SPATS2: variants seen among roughly 807,000 people sequenced by gnomAD.
SPATS2 encodes the protein spermatogenesis associated serine rich 2, also known as spermatogenesis-associated serine-rich protein 2.
In SPATS2, 38 loss-of-function variants were observed where a neutral mutation model predicts 63.7. The ratio of observed to expected loss-of-function variants is 0.60; its 90% CI spans 0.46 to 0.78. SPATS2 has a LOEUF of 0.78. SPATS2 is among the 30% of genes least tolerant of loss of function. The probability of loss-of-function intolerance (pLI) is 0.00; values close to 1 mark genes in which losing one functional copy is unlikely to be tolerated. For synonymous variants in SPATS2, 207 were observed against 232.9 expected (o/e 0.89, Z 1.01); for missense variants, 588 against 666.2 (o/e 0.88, Z 1.29).
At chr12:49,447,845 A>AAATT (rs2137590248) in intron 2 of SPATS2, among the ~76,000 whole-genome samples, 1 of 152,132 alleles carries the variant, frequency 6.6e-6, no homozygotes, top group Non-Finnish European at 1.5e-5. Context: ...TGATTTTGGT[A>AAATT]AATTGTGTCT....
In SPATS2 at chr12:49,524,769, C is replaced by G. The variant is rs1015411844; in HGVS notation, c.1199C>G (p.Ala400Gly). The G allele has an allele frequency of 1.9e-6, 3 of 1,614,204 alleles. No individual in the cohort carries two copies. The highest frequency in any genetic ancestry group is 2.5e-6 in the Non-Finnish European group (3 of 1,180,034). ...TTGAGTAGCCCAAGTGATGCCTCTG[C>G]TGCTTCCTCTTCCACCTGTGCCTCT... Reference protein sequence around the residue: ...VSLSSPSDASAASSSTCASPP... With the variant: ...VSLSSPSDASGASSSTCASPP... Residue 400 changes from alanine to glycine, a missense_variant, in exon 13 of 14, where the codon GCT becomes GGT. Ala to Gly is a moderately conservative substitution (Grantham distance 60). Coordinates refer to ENST00000552918, the MANE Select transcript of SPATS2 (RefSeq NM_023071.4).
intron 3 of SPATS2, among the ~76,000 whole-genome samples, chr12:49,472,342 A>C (rs2137759473): frequency 6.6e-6 from 1 of 152,140 alleles, no homozygotes; most frequent in East Asian, 1.9e-4. Flanking sequence ...AAAGACTTTA[A>C]AAATAAAACA....
intron 9 of SPATS2, among the ~76,000 whole-genome samples, chr12:49,508,276 C>T (rs975906885): frequency 1.3e-5 from 2 of 151,938 alleles, no homozygotes; most frequent in South Asian, 4.1e-4. Context: ...GGCGCAATAT[C>T]GGTTCACTGC....
intron 2 of SPATS2, among the ~76,000 whole-genome samples, chr12:49,392,673 A>G (rs1054168153): frequency 3.3e-5 from 5 of 152,106 alleles, no homozygotes; most frequent in Non-Finnish European, 5.9e-5. Flanking sequence ...AGATCTCACC[A>G]CTGCACTCCA....
chr12:49,437,438 A>G (rs1945333043), intron 2 of SPATS2, among the ~76,000 whole-genome samples: 2 of 152,210 alleles, frequency 1.3e-5, no homozygotes, highest in Admixed American at 6.5e-5. Flanking sequence ...GTGGCCGGGC[A>G]GAGGCTGCAA....
chr12:49,468,091 C>G (rs1945958218), intron 3 of SPATS2, among the ~76,000 whole-genome samples: 1 of 150,642 alleles, frequency 6.6e-6, no homozygotes, highest in Non-Finnish European at 1.5e-5. Flanking sequence ...TTCTCTTCTC[C>G]TTTTCCTTCT....
At chr12:49,452,470 C>T (rs1471079936) in intron 2 of SPATS2, among the ~76,000 whole-genome samples, 4 of 152,052 alleles carry the variant, frequency 2.6e-5, no homozygotes, top group Non-Finnish European at 5.9e-5. Context: ...ATAGAGACAG[C>T]GTCTCACTGT....
intron 3 of SPATS2, among the ~76,000 whole-genome samples, chr12:49,483,605 T>G (rs941887972): frequency 6.6e-6 from 1 of 152,222 alleles, no homozygotes; most frequent in Non-Finnish European, 1.5e-5. Context: ...GAAAGAATCT[T>G]TAATTGAAAC....
chr12:49,516,173 A>G (rs1316360727), intron 10 of SPATS2, among the ~76,000 whole-genome samples: 1 of 16,848 alleles, frequency 5.9e-5, no homozygotes, highest in African/African-American at 2.0e-4. Flanking sequence ...AAAAATATAT[A>G]TATATATATA....
chr12:49,518,695 C>G (rs1026026802), intron 10 of SPATS2, among the ~76,000 whole-genome samples: 2 of 152,190 alleles, frequency 1.3e-5, no homozygotes, highest in Non-Finnish European at 2.9e-5. Context: ...GTCGTTTCCC[C>G]TGGAGAGGAG....
intron 2 of SPATS2, among the ~76,000 whole-genome samples, chr12:49,376,345 C>T (rs539668448): frequency 7.9e-5 from 12 of 151,918 alleles, no homozygotes; most frequent in African/African-American, 1.4e-4. Context: ...TCAGGTGATC[C>T]GCCTGCCTCG....
intron 2 of SPATS2, among the ~76,000 whole-genome samples, chr12:49,459,254 C>CT (rs1379130296): frequency 6.6e-6 from 1 of 152,118 alleles, no homozygotes; most frequent in Non-Finnish European, 1.5e-5. Flanking sequence ...GACTTGTGTG[C>CT]TAGAAGATAA....
At chr12:49,420,584 A>G (rs997867205) in intron 2 of SPATS2, among the ~76,000 whole-genome samples, 1 of 152,180 alleles carries the variant, frequency 6.6e-6, no homozygotes, top group African/African-American at 2.4e-5. Context: ...CCCCATCTCA[A>G]AAAATAAAAA....
intron 2 of SPATS2, among the ~76,000 whole-genome samples, chr12:49,373,882 G>A (rs149420637): frequency 0.015 from 2,245 of 152,214 alleles, 60 homozygotes; most frequent in African/African-American, 0.052. Flanking sequence ...TCATGCCACT[G>A]CACTCCAGCC....
intron 2 of SPATS2, among the ~76,000 whole-genome samples, chr12:49,400,832 T>A (rs1446881252): frequency 6.6e-6 from 1 of 152,182 alleles, no homozygotes; most frequent in African/African-American, 2.4e-5. Flanking sequence ...TTAGCTGTTG[T>A]GAATTTTATG....
chr12:49,371,545 C>T (rs775541060), intron 2 of SPATS2, among the ~76,000 whole-genome samples: 1 of 152,162 alleles, frequency 6.6e-6, no homozygotes, highest in Non-Finnish European at 1.5e-5. Flanking sequence ...TCGAGTCCCT[C>T]TGTATTGATC....
chr12:49,399,749 A>G (rs899846361), intron 2 of SPATS2, among the ~76,000 whole-genome samples: 1 of 152,182 alleles, frequency 6.6e-6, no homozygotes, highest in Non-Finnish European at 1.5e-5. Flanking sequence ...TAAAATATGA[A>G]AAAAATGGCC....
At chr12:49,450,398 C>A (rs1198580002) in intron 2 of SPATS2, among the ~76,000 whole-genome samples, 1 of 152,080 alleles carries the variant, frequency 6.6e-6, no homozygotes, top group Non-Finnish European at 1.5e-5. Flanking sequence ...CGCCCGACAC[C>A]ATGCCTGGTT....
chr12:49,383,592 A>T (rs1298108007), intron 2 of SPATS2, among the ~76,000 whole-genome samples: 2 of 151,006 alleles, frequency 1.3e-5, no homozygotes, highest in Non-Finnish European at 3.0e-5. Flanking sequence ...TGTAAAGTCG[A>T]GGTCTCACTG....
Sources: gnomAD v4.1 joint callset for allele counts (sites outside exome capture counted in the v4.1 genomes callset) on GRCh38, gnomAD v4.1.1 for gene constraint, MANE v1.5 for transcripts, NCBI Gene and HGNC (gene_info 2026-07-23, HGNC 2026-07-21) for gene names.